Variants in PRKD1 observed in about 807,000 individuals in gnomAD.
PRKD1 encodes the protein serine/threonine-protein kinase D1.
PRKD1 carries 63 observed loss-of-function variants against 95.9 expected under a neutral mutation model. The ratio of observed to expected loss-of-function variants is 0.66; its 90% CI spans 0.54 to 0.81. The LOEUF (loss-of-function observed/expected upper bound fraction) is 0.81. PRKD1 is among the 30% of genes least tolerant of loss of function. The pLI, the probability that PRKD1 is intolerant of heterozygous loss-of-function variation, is 0.00. For synonymous variants in PRKD1, 425 were observed against 423.1 expected (o/e 1.00, Z -0.05); for missense variants, 1,048 against 1,165.3 (o/e 0.90, Z 1.47).
intron 1 of PRKD1, among the ~76,000 whole-genome samples, chr14:29,809,940 C>T (rs143481728): frequency 1.3e-5 from 2 of 152,286 alleles, no homozygotes; most frequent in East Asian, 3.9e-4. Context: ...AGACATGTGA[C>T]TCTTCCTTTC....
chr14:29,836,276 T>G (rs1891608335), intron 1 of PRKD1, among the ~76,000 whole-genome samples: 1 of 152,178 alleles, frequency 6.6e-6, no homozygotes, highest in Non-Finnish European at 1.5e-5. Flanking sequence ...TGGCGAACTG[T>G]GAAGAGTTAT....
intron 1 of PRKD1, among the ~76,000 whole-genome samples, chr14:29,802,045 T>C (rs1035073904): frequency 6.6e-6 from 1 of 151,754 alleles, no homozygotes; most frequent in African/African-American, 2.4e-5. Context: ...TGGCAAATAG[T>C]ATATGTTTCA....
At chr14:29,880,996 A>C (rs1893491253) in intron 1 of PRKD1, among the ~76,000 whole-genome samples, 1 of 152,176 alleles carries the variant, frequency 6.6e-6, no homozygotes, top group Admixed American at 6.5e-5. Context: ...GCCTTGTCTC[A>C]CATGAGACTC....
intron 1 of PRKD1, among the ~76,000 whole-genome samples, chr14:29,739,334 C>G (rs1594473991): frequency 6.6e-6 from 1 of 152,214 alleles, no homozygotes; most frequent in African/African-American, 2.4e-5. Flanking sequence ...GGGCTAGAAT[C>G]TGACCCATAA....
At chr14:29,885,225 GGATAAA>G (rs1208162377) in intron 1 of PRKD1, among the ~76,000 whole-genome samples, 1 of 151,960 alleles carries the variant, frequency 6.6e-6, no homozygotes, top group Non-Finnish European at 1.5e-5. Context: ...GGAATGACCT[GGATAAA>G]GATACAGAGG....
intron 1 of PRKD1, among the ~76,000 whole-genome samples, chr14:29,853,670 A>G (rs948914310): frequency 7.2e-5 from 11 of 152,222 alleles, no homozygotes; most frequent in Non-Finnish European, 5.9e-5. Flanking sequence ...CATCTTTGAT[A>G]ATAGAGGATA....
At chr14:29,691,707 C>T (rs1481772934) in intron 2 of PRKD1, among the ~76,000 whole-genome samples, 1 of 152,160 alleles carries the variant, frequency 6.6e-6, no homozygotes, top group Non-Finnish European at 1.5e-5. Context: ...ATAACAGCAT[C>T]TCCTACTAGG....
chr14:29,883,415 AAAGAG>A (rs1438470206), intron 1 of PRKD1, among the ~76,000 whole-genome samples: 2 of 152,214 alleles, frequency 1.3e-5, no homozygotes, highest in African/African-American at 4.8e-5. Flanking sequence ...AGTTTACAGA[AAAGAG>A]AAGTATTTTA....
At chr14:29,604,577 C>T (rs1893637792) in intron 13 of PRKD1, among the ~76,000 whole-genome samples, 1 of 152,180 alleles carries the variant, frequency 6.6e-6, no homozygotes. Context: ...AGTACTGCAG[C>T]AGTGGCCTTG....
At chr14:29,890,306 C>T (rs1210445825) in intron 1 of PRKD1, among the ~76,000 whole-genome samples, 1 of 152,132 alleles carries the variant, frequency 6.6e-6, no homozygotes, top group Non-Finnish European at 1.5e-5. Flanking sequence ...CTCTGGATGG[C>T]ATCTTTGAAA....
intron 16 of PRKD1, among the ~76,000 whole-genome samples, chr14:29,589,999 A>G (rs1893074137): frequency 6.6e-6 from 1 of 152,202 alleles, no homozygotes; most frequent in East Asian, 1.9e-4. Context: ...AAAGTGATCT[A>G]TGAATCAGTG....
chr14:29,861,082 A>G (rs536290880), intron 1 of PRKD1, among the ~76,000 whole-genome samples: 78 of 152,350 alleles, frequency 5.1e-4, no homozygotes, highest in African/African-American at 1.8e-3. Context: ...TATACTAAAC[A>G]AGCCAAATTA....
chr14:29,634,363 A>C (rs1880223949), intron 8 of PRKD1, 55 bp downstream of exon 8: 3 of 1,612,146 alleles, frequency 1.9e-6, no homozygotes, highest in African/African-American at 1.3e-5. Context: ...GACATTAGCA[A>C]CTCCTCTAAT....
At chr14:29,905,925 G>A (rs898655595) in intron 1 of PRKD1, among the ~76,000 whole-genome samples, 2 of 152,088 alleles carry the variant, frequency 1.3e-5, no homozygotes, top group Non-Finnish European at 2.9e-5. Context: ...GTATCCCTGA[G>A]ACATTTAAGA....
chr14:29,601,921 C>T (rs1007596503), intron 13 of PRKD1, among the ~76,000 whole-genome samples: 2 of 152,204 alleles, frequency 1.3e-5, no homozygotes, highest in Non-Finnish European at 2.9e-5. Flanking sequence ...AATCACAGCA[C>T]GAGCTTTAAG....
chr14:29,613,497 A>G (rs1423463303), intron 13 of PRKD1, among the ~76,000 whole-genome samples: 3 of 152,184 alleles, frequency 2.0e-5, no homozygotes, highest in Admixed American at 2.0e-4. Flanking sequence ...GCAAATCTGT[A>G]TCCTCTGGTT....
chr14:29,775,962 T>C (rs146239288), intron 1 of PRKD1, among the ~76,000 whole-genome samples: 3,086 of 152,112 alleles, frequency 0.02, 107 homozygotes, highest in Admixed American at 0.088. Flanking sequence ...AGAGGAACAA[T>C]CAGGCAGCAA....
chr14:29,857,773 A>G (rs929206555), intron 1 of PRKD1, among the ~76,000 whole-genome samples: 5 of 152,210 alleles, frequency 3.3e-5, no homozygotes, highest in Non-Finnish European at 7.3e-5. Flanking sequence ...GAGGGGAAAC[A>G]GGGGAAGTCT....
chr14:29,884,416 A>G (rs1361866577), intron 1 of PRKD1, among the ~76,000 whole-genome samples: 1 of 152,012 alleles, frequency 6.6e-6, no homozygotes, highest in Non-Finnish European at 1.5e-5. Flanking sequence ...TCACTAATAC[A>G]TTATTACATT....
Sources: gnomAD v4.1 joint callset for allele counts (sites outside exome capture counted in the v4.1 genomes callset) on GRCh38, gnomAD v4.1.1 for gene constraint, MANE v1.5 for transcripts, NCBI Gene and HGNC (gene_info 2026-07-23, HGNC 2026-07-21) for gene names.